Variants in CACNG4 observed in about 807,000 individuals in gnomAD.
CACNG4 encodes voltage-dependent calcium channel gamma-4 subunit.
CACNG4 carries 8 observed loss-of-function variants against 22.9 expected under a neutral mutation model. The observed-to-expected ratio is 0.35, with a 90% CI of 0.21 to 0.63. The LOEUF (loss-of-function observed/expected upper bound fraction) is 0.63. Among genes scored for constraint, CACNG4 ranks in the 30% least tolerant of loss-of-function variants. CACNG4 has a pLI of 0.72. For synonymous variants in CACNG4, 188 were observed against 191.9 expected, an observed-to-expected ratio of 0.98 and a Z score of 0.17; for missense variants, 357 against 455.4, an observed-to-expected ratio of 0.78 and a Z score of 1.97.
chr17:66,985,122 G>A (rs890640937), intron 1 of CACNG4, among the ~76,000 whole-genome samples: 7 of 152,132 alleles, frequency 4.6e-5, no homozygotes, highest in Admixed American at 4.6e-4. Flanking sequence ...CTGGTACCCT[G>A]CTCTGGGGGG....
chr17:67,026,241 A>G (rs1254055285), intron 3 of CACNG4, among the ~76,000 whole-genome samples: 1 of 126,150 alleles, frequency 7.9e-6, no homozygotes, highest in Non-Finnish European at 1.6e-5. Context: ...TGTGGTGTGT[A>G]TATTTGGGGA....
intron 1 of CACNG4, among the ~76,000 whole-genome samples, chr17:66,990,241 A>G (rs1335852721): frequency 7.2e-5 from 11 of 152,232 alleles, no homozygotes; most frequent in African/African-American, 2.7e-4. Context: ...CTTGCTAGCC[A>G]TCAGCCAGGA....
At chr17:66,971,859 G>A (rs896235192) in intron 1 of CACNG4, among the ~76,000 whole-genome samples, 2 of 152,150 alleles carry the variant, frequency 1.3e-5, no homozygotes, top group South Asian at 2.1e-4. Context: ...ACATGAGATC[G>A]GTGCTATTGC....
intron 1 of CACNG4, among the ~76,000 whole-genome samples, chr17:66,980,505 C>T (rs564733485): frequency 5.2e-4 from 79 of 152,124 alleles, no homozygotes; most frequent in African/African-American, 1.9e-3. Flanking sequence ...CCCTAGGAAA[C>T]TGTCCTGTGG....
At position 67,030,039 on chromosome 17, in the gene CACNG4, C is replaced by T. The variant is rs1370284868; in HGVS notation, c.446-427C>T. Among the ~76,000 whole-genome samples, 3 of 152,170 alleles carry T rather than the reference C, an allele frequency of 2.0e-5. No individual in the cohort carries two copies. Among genetic ancestry groups the T allele is most frequent in the East Asian group, 3.9e-4 (2 of 5,192 alleles). ...GAGACTTCTGTATGGCGGTGCCGCACGTAGTTAGAAAGACAGGGATGGCTC... is the reference window on the plus strand; with the variant it reads ...GAGACTTCTGTATGGCGGTGCCGCATGTAGTTAGAAAGACAGGGATGGCTC... On this transcript the variant is annotated intron_variant, in intron 3 of 3. Coordinates refer to ENST00000262138, the MANE Select transcript of CACNG4 (RefSeq NM_014405.4). This position sits in a 1 kb window ranked among gnomAD's most constrained non-coding sequence, Gnocchi z 6.4.
rs894636708 is a variant in CACNG4 at position 67,027,016 on chromosome 17, G to A, written c.445+2016G>A. ...TGACCCCTCAACACTGCCCCAGAGCGTCCTCCCCACGGCAGGGAGAGAATA... is the reference window on the plus strand; with the variant it reads ...TGACCCCTCAACACTGCCCCAGAGCATCCTCCCCACGGCAGGGAGAGAATA... On this transcript the variant is annotated intron_variant, in intron 3 of 3. Coordinates refer to ENST00000262138, the MANE Select transcript of CACNG4 (RefSeq NM_014405.4). This position sits in a 1 kb window ranked among gnomAD's most constrained non-coding sequence, Gnocchi z 4.3. Among the ~76,000 whole-genome samples, 7 of 152,082 alleles carry A rather than the reference G, an allele frequency of 4.6e-5. No homozygotes were observed. Among genetic ancestry groups the A allele is most frequent in the Admixed American group, 2.6e-4 (4 of 15,274 alleles).
At chr17:67,000,356 G>A (rs973350961) in intron 1 of CACNG4, among the ~76,000 whole-genome samples, 1 of 151,764 alleles carries the variant, frequency 6.6e-6, no homozygotes, top group Non-Finnish European at 1.5e-5. Flanking sequence ...CAAGCCCCAC[G>A]CCTGGGCTGT....
intron 1 of CACNG4, among the ~76,000 whole-genome samples, chr17:66,983,865 CTG>C (rs950007630): frequency 3.3e-5 from 5 of 152,206 alleles, no homozygotes; most frequent in Non-Finnish European, 5.9e-5. Flanking sequence ...GCTGATCATA[CTG>C]TGTGTTTCCA....
chr17:66,969,384 C>T (rs2035190519), intron 1 of CACNG4, among the ~76,000 whole-genome samples: 1 of 152,240 alleles, frequency 6.6e-6, no homozygotes, highest in South Asian at 2.1e-4. Context: ...CCAGCATGCC[C>T]ACAGCTCTGC....
chr17:66,986,416 G>A (rs551670353), intron 1 of CACNG4, among the ~76,000 whole-genome samples: 7 of 152,324 alleles, frequency 4.6e-5, no homozygotes, highest in South Asian at 4.1e-4. Context: ...AGCCCGGGGG[G>A]ATGAGTCCTG....
chr17:67,007,124 G>A (rs1241230057), intron 1 of CACNG4, among the ~76,000 whole-genome samples: 1 of 152,048 alleles, frequency 6.6e-6, no homozygotes, highest in Non-Finnish European at 1.5e-5. Context: ...GCAGTGAGCT[G>A]AGATTGCACC....
At chr17:67,021,355 A>G (rs1293448431) in intron 2 of CACNG4, among the ~76,000 whole-genome samples, 4 of 152,254 alleles carry the variant, frequency 2.6e-5, no homozygotes, top group African/African-American at 9.6e-5. Context: ...GGCTGCCTGC[A>G]GGATGCCTGT....
chr17:66,988,232 G>C (rs936880042), intron 1 of CACNG4, among the ~76,000 whole-genome samples: 3 of 152,086 alleles, frequency 2.0e-5, no homozygotes, highest in Non-Finnish European at 2.9e-5. Flanking sequence ...CTGTCCTGTT[G>C]CCATGGCGGG....
Position 67,024,987 on chromosome 17 carries a change from C to G in CACNG4, c.432C>G (p.Leu144=). The G allele has an allele frequency of 1.3e-6, 2 of 1,595,838 alleles. No individual in the cohort carries two copies. Among genetic ancestry groups the G allele is most frequent in the South Asian group, 1.1e-5 (1 of 88,300 alleles). The part of the protein sequence containing the change: ...KNNIVLSAGI[L]FVAAGLSNII... Reference sequence around the variant, plus strand: ...ACATCGTCCTCAGTGCCGGCATCCTCTTCGTGGCTGCAGGTGAGCCGCCCG... The same window carrying G: ...ACATCGTCCTCAGTGCCGGCATCCTGTTCGTGGCTGCAGGTGAGCCGCCCG... The change falls in exon 3 of 4, where the codon CTC becomes CTG. Residue 144 remains leucine, a synonymous_variant. Transcript: ENST00000262138.
intron 1 of CACNG4, among the ~76,000 whole-genome samples, chr17:66,976,069 C>T (rs907939136): frequency 9.9e-5 from 15 of 152,174 alleles, no homozygotes; most frequent in African/African-American, 3.6e-4. Flanking sequence ...CTCGCATCTC[C>T]CTGTCACTTA....
intron 1 of CACNG4, among the ~76,000 whole-genome samples, chr17:66,967,386 T>A (rs545938660): frequency 1.3e-5 from 2 of 152,170 alleles, no homozygotes; most frequent in African/African-American, 4.8e-5. Flanking sequence ...ATTCCTTGGC[T>A]AGAATCATTG....
intron 1 of CACNG4, among the ~76,000 whole-genome samples, chr17:67,002,520 C>T (rs1329107174): frequency 6.6e-6 from 1 of 152,218 alleles, no homozygotes; most frequent in Non-Finnish European, 1.5e-5. Flanking sequence ...TGTGCTCCCT[C>T]ATCCTGGCCT....
intron 3 of CACNG4, among the ~76,000 whole-genome samples, chr17:67,026,445 TGTG>T (rs1370256584): frequency 1.3e-5 from 2 of 148,556 alleles, no homozygotes; most frequent in African/African-American, 5.1e-5. Flanking sequence ...ATTTGAGGAA[TGTG>T]GTGTATGTGT....
intron 2 of CACNG4, among the ~76,000 whole-genome samples, chr17:67,019,727 C>T (rs1036705939): frequency 6.6e-6 from 1 of 152,194 alleles, no homozygotes; most frequent in African/African-American, 2.4e-5. Context: ...AGAAACAAAC[C>T]GTTCCCTCTC....
Sources: allele counts gnomAD v4.1 joint callset (sites outside exome capture counted in the v4.1 genomes callset), GRCh38; gene constraint gnomAD v4.1.1; non-coding constraint Gnocchi (gnomAD v3.1); transcripts MANE v1.5; gene names NCBI Gene and HGNC (gene_info 2026-07-23, HGNC 2026-07-21).